PDE1C: variants seen among roughly 807,000 people sequenced by gnomAD.
The protein encoded by PDE1C is phosphodiesterase 1C.
Under a neutral mutation model 93.1 loss-of-function variants are expected in PDE1C, and 62 were observed. The observed-to-expected ratio is 0.67, with a 90% CI of 0.54 to 0.82. The LOEUF (loss-of-function observed/expected upper bound fraction) is 0.82, where lower values mean the gene tolerates loss of function less well. Among genes scored for constraint, PDE1C ranks in the 40% least tolerant of loss-of-function variants. The pLI, the probability that PDE1C is intolerant of heterozygous loss-of-function variation, is 0.00. For missense variants in PDE1C, 742 were observed against 884.6 expected, an observed-to-expected ratio of 0.84 and a Z score of 2.04; for synonymous variants, 325 against 310.1, an observed-to-expected ratio of 1.05 and a Z score of -0.50.
At chr7:32,169,517 C>G (rs1802512696) in intron 3 of PDE1C, among the ~76,000 whole-genome samples, 1 of 152,188 alleles carries the variant, frequency 6.6e-6, no homozygotes, top group Non-Finnish European at 1.5e-5. Flanking sequence ...AAATTGCCAA[C>G]ATCAGTAAAT....
At chr7:31,650,204 T>C in the PDE1C span, among the ~76,000 whole-genome samples, 1 of 152,316 alleles carries the variant, frequency 6.6e-6, no homozygotes, top group South Asian at 2.1e-4. Context: ...ATAATCAACA[T>C]TTAATAAATA....
chr7:31,696,663 C>T, the PDE1C span, among the ~76,000 whole-genome samples: 3 of 152,070 alleles, frequency 2.0e-5, no homozygotes, highest in African/African-American at 4.8e-5. Flanking sequence ...GCTGTAATAC[C>T]CTGGGCACAT....
At chr7:31,724,253 A>G in the PDE1C span, among the ~76,000 whole-genome samples, 1 of 152,246 alleles carries the variant, frequency 6.6e-6, no homozygotes. Flanking sequence ...GGGGCATGGA[A>G]GTGCCAGCCT....
At chr7:32,162,226 T>C (rs1801968122) in intron 3 of PDE1C, among the ~76,000 whole-genome samples, 1 of 152,164 alleles carries the variant, frequency 6.6e-6, no homozygotes, top group Non-Finnish European at 1.5e-5. Flanking sequence ...ACTTGCCCCA[T>C]GTTCCCTCCC....
intron 2 of PDE1C, among the ~76,000 whole-genome samples, chr7:32,018,210 T>C (rs1011171080): frequency 1.3e-5 from 2 of 152,022 alleles, no homozygotes; most frequent in African/African-American, 4.8e-5. Flanking sequence ...ACACTATTGA[T>C]GGGAATGTAA....
In PDE1C at chr7:32,298,666, A is replaced by G. The variant is rs557522120; in HGVS notation, c.70T>C (p.Tyr24His). The change falls in exon 1 of 19, where the codon TAC becomes CAC. Residue 24 changes from tyrosine (Y) to histidine (H), a missense_variant. Coordinates refer to the PDE1C transcript ENST00000396193. ...AAGTTCTCACCTATGGTGAAGCTGTAGCCATCGATGCTGAAAGTGGCGCTC... is the reference window on the plus strand; with the variant it reads ...AAGTTCTCACCTATGGTGAAGCTGTGGCCATCGATGCTGAAAGTGGCGCTC... The G allele has an allele frequency of 3.4e-4, 545 of 1,607,206 alleles. 2 individuals carry two copies. The highest frequency in any genetic ancestry group is 5.6e-4 in the Admixed American group (33 of 59,456).
At chr7:32,191,119 G>A (rs116489896) in intron 2 of PDE1C, among the ~76,000 whole-genome samples, 2,050 of 152,290 alleles carry the variant, frequency 0.013, 46 homozygotes, top group African/African-American at 0.047. Context: ...TCTGCAGGCC[G>A]TGAGAAGTCA....
intron 16 of PDE1C, among the ~76,000 whole-genome samples, chr7:31,805,986 A>G (rs1240385476): frequency 6.6e-6 from 1 of 151,834 alleles, no homozygotes; most frequent in Non-Finnish European, 1.5e-5. Flanking sequence ...TTCAGGTGGG[A>G]GGGTAAATCC....
At chr7:31,996,072 C>G (rs1284470238) in intron 2 of PDE1C, among the ~76,000 whole-genome samples, 1 of 98,358 alleles carries the variant, frequency 1.0e-5, no homozygotes, top group Non-Finnish European at 2.2e-5. Flanking sequence ...TCCGGACACA[C>G]ACACACACAC....
At chr7:31,642,263 G>T in the PDE1C span, 4 of 1,546,276 alleles carry the variant, frequency 2.6e-6, no homozygotes, top group African/African-American at 5.5e-5. Context: ...CTCCAGGTAG[G>T]AGGGTTTGGA....
At chr7:32,400,429 AG>A (rs140546630) in intron 1 of PDE1C, among the ~76,000 whole-genome samples, 5,857 of 152,226 alleles carry the variant, frequency 0.038, 268 homozygotes, top group African/African-American at 0.12. Flanking sequence ...AAAAGAAAAA[AG>A]AAAATGGGAG....
chr7:31,645,105 T>C, the PDE1C span, among the ~76,000 whole-genome samples: 1 of 152,236 alleles, frequency 6.6e-6, no homozygotes, highest in African/African-American at 2.4e-5. Flanking sequence ...CAATGCCTCC[T>C]AATGACTAAG....
chr7:31,658,158 T>C, the PDE1C span: 2 of 879,388 alleles, frequency 2.3e-6, no homozygotes, highest in South Asian at 2.3e-5. Flanking sequence ...CCACAGTGTA[T>C]GCATAGGCCA....
chr7:32,184,454 G>A (rs991845478), intron 2 of PDE1C, among the ~76,000 whole-genome samples: 2 of 152,164 alleles, frequency 1.3e-5, no homozygotes, highest in African/African-American at 2.4e-5. Context: ...TATACACCAT[G>A]GAATACTATG....
the PDE1C span, among the ~76,000 whole-genome samples, chr7:31,709,472 T>C: frequency 3.3e-5 from 5 of 152,224 alleles, no homozygotes; most frequent in Non-Finnish European, 7.3e-5. Flanking sequence ...GTTTGCACGG[T>C]GTTTTTTCTA....
intron 2 of PDE1C, among the ~76,000 whole-genome samples, chr7:32,209,043 T>G (rs544030017): frequency 6.6e-6 from 1 of 152,352 alleles, no homozygotes; most frequent in African/African-American, 2.4e-5. Context: ...TCTCCTCACT[T>G]TATCTTCATA....
At chr7:31,816,595 A>G (rs1440222907) in intron 14 of PDE1C, among the ~76,000 whole-genome samples, 1 of 152,110 alleles carries the variant, frequency 6.6e-6, no homozygotes, top group Non-Finnish European at 1.5e-5. Context: ...ACATCATAAA[A>G]CTTTCCCATA....
At position 31,825,850 on chromosome 7, in the gene PDE1C, A is replaced by C. The variant is rs2191872; in HGVS notation, c.1286-863T>G. On this transcript the variant is annotated intron_variant, in intron 12 of 17. Coordinates refer to ENST00000396191, the MANE Select transcript of PDE1C (RefSeq NM_001191057.4). ...GAAAACAGGAAATAGAAGGAGAATAAGGCCAAGAAAAGACAATGGGCTCAG... is the reference window on the plus strand; with the variant it reads ...GAAAACAGGAAATAGAAGGAGAATACGGCCAAGAAAAGACAATGGGCTCAG... Among the ~76,000 whole-genome samples the C allele has an allele frequency of 5.3e-4, 80 of 152,090 alleles. 1 individual carries two copies. The highest frequency in any genetic ancestry group is 9.9e-4 in the Non-Finnish European group (67 of 68,008).
At chr7:31,677,548 T>G in the PDE1C span, among the ~76,000 whole-genome samples, 3 of 152,168 alleles carry the variant, frequency 2.0e-5, no homozygotes, top group Non-Finnish European at 4.4e-5. Context: ...AGAAAGATCA[T>G]ATTTTTTTTC....
Sources: gnomAD v4.1 joint callset for allele counts (sites outside exome capture counted in the v4.1 genomes callset) on GRCh38, gnomAD v4.1.1 for gene constraint, MANE v1.5 for transcripts, NCBI Gene and HGNC (gene_info 2026-07-23, HGNC 2026-07-21) for gene names.